The following DYSF variants were observed in gnomAD, a reference collection of about 807,000 sequenced individuals.
The protein encoded by DYSF is dysferlin, also known as dystrophy-associated fer-1-like 1.
A neutral mutation model predicts 274.9 loss-of-function variants in DYSF; 212 were observed. That is an observed-to-expected ratio of 0.77 (90% confidence interval 0.69 to 0.86). The LOEUF (loss-of-function observed/expected upper bound fraction) is 0.86, where lower values mean the gene tolerates loss of function less well. DYSF is among the 40% of genes least tolerant of loss of function. The pLI is 0.00. For synonymous variants in DYSF, 1,091 were observed against 1,078.7 expected, an observed-to-expected ratio of 1.01 and a Z score of -0.22; for missense variants, 2,666 against 2,783.2, an observed-to-expected ratio of 0.96 and a Z score of 0.95.
chr2:71,681,527 C>T (rs781050777), intron 54 of DYSF, among the ~76,000 whole-genome samples: 3 of 152,192 alleles, frequency 2.0e-5, no homozygotes, highest in African/African-American at 4.8e-5. Context: ...CTCCAGAGCC[C>T]GATCAAGGTC....
chr2:71,470,861 G>A (rs533892773), intron 1 of DYSF, among the ~76,000 whole-genome samples: 135 of 147,694 alleles, frequency 9.1e-4, no homozygotes, highest in African/African-American at 3.4e-3. Context: ...GCACGTTGTC[G>A]GCTCATTGCA....
At chr2:71,497,737 C>G (rs1469121171) in intron 3 of DYSF, among the ~76,000 whole-genome samples, 1 of 152,204 alleles carries the variant, frequency 6.6e-6, no homozygotes, top group Non-Finnish European at 1.5e-5. Context: ...GAGTTTATTT[C>G]TGTAATCAGG....
intron 22 of DYSF, among the ~76,000 whole-genome samples, chr2:71,557,592 G>A (rs13024616): frequency 0.097 from 14,809 of 152,022 alleles, 882 homozygotes; most frequent in Non-Finnish European, 0.13. Context: ...ACATACGGCA[G>A]GTGAGCTGTG....
In DYSF at chr2:71,528,344, G is replaced by C. The variant is rs748827645; in HGVS notation, c.1323G>C (p.Glu441Asp). The C allele has an allele frequency of 1.9e-6, 3 of 1,614,216 alleles. No homozygotes were observed. The Admixed American group carries it at 5.0e-5, about 27-fold the overall frequency. Residue 441 changes from glutamate to aspartate, a missense_variant, in exon 14 of 56, where the codon GAG (glutamate) becomes GAC (aspartate). Around this residue, in one of 3 missense-constraint regions of DYSF, gnomAD observed 794 missense variants for 777.1 expected, o/e 1.02. Coordinates refer to ENST00000410020, the MANE Select transcript of DYSF (RefSeq NM_001130987.2). ...ACGTGAAACAGATCTTTGGCTTCGA[G>C]AGTAACAAGAAGAACTTGGTGGACC... ...MDNVKQIFGF[E>D]SNKKNLVDPF...
chr2:71,542,526 C>T (rs558318668), intron 17 of DYSF, among the ~76,000 whole-genome samples: 38 of 152,150 alleles, frequency 2.5e-4, no homozygotes, highest in Admixed American at 5.2e-4. Context: ...TGGGGCCTTC[C>T]GCAGTGTTTG....
chr2:71,482,106 C>T (rs2082963344), intron 3 of DYSF, 136 bp downstream of exon 3: 2 of 699,632 alleles, frequency 2.9e-6, no homozygotes, highest in Non-Finnish European at 5.0e-6. Context: ...ATGGGACTGG[C>T]CCAGTGATAG....
Position 71,561,912 on chromosome 2 carries a change from T to C in DYSF, c.2377T>C (p.Trp793Arg), listed in dbSNP as rs373115117. 2.5e-6 allele frequency: 4 copies of C among 1,614,040 alleles called. No homozygotes were observed. In the African/African-American group the frequency reaches 4.0e-5, roughly 16 times the overall value. The change falls in exon 23 of 56, where the codon TGG becomes CGG. Residue 793 changes from tryptophan to arginine, a missense_variant. By Grantham distance (101) the Trp-to-Arg change is moderately radical (BLOSUM62 -3). This residue lies in a region of DYSF where 412 missense variants were observed against 504.0 expected (regional missense o/e 0.82). Coordinates refer to ENST00000410020, the MANE Select transcript of DYSF (RefSeq NM_001130987.2). Reference sequence around the variant, plus strand: ...TGCAGCTCTGGAGCAGGCGGAGGACTGGCTCCTGCGTCTGCGTGCCCTGGC... The same window carrying C: ...TGCAGCTCTGGAGCAGGCGGAGGACCGGCTCCTGCGTCTGCGTGCCCTGGC... Reference protein sequence around the residue: ...LPAALEQAEDWLLRLRALAEE... With the variant: ...LPAALEQAEDRLLRLRALAEE...
intron 55 of DYSF, among the ~76,000 whole-genome samples, chr2:71,684,396 C>T (rs6722297): frequency 0.55 from 84,292 of 152,040 alleles, 23,848 homozygotes; most frequent in Middle Eastern, 0.64. Context: ...TCCTCCCATT[C>T]GGAGCCCAGC....
At chr2:71,494,331 G>A (rs1308163320) in intron 3 of DYSF, among the ~76,000 whole-genome samples, 2 of 152,220 alleles carry the variant, frequency 1.3e-5, no homozygotes, top group African/African-American at 4.8e-5. Context: ...GGCACATGAT[G>A]TTCCTTACTG....
At chr2:71,534,914 A>G in intron 14 of DYSF, 107 bp from the exon 15 acceptor site, 1 of 1,224,510 alleles carries the variant, frequency 8.2e-7, no homozygotes, top group Non-Finnish European at 1.2e-6. Context: ...CCCAGCCCTA[A>G]GGGCAGCCAG....
chr2:71,584,278 CAAAGCGGCCCTCCCTGTCCTGG>C (rs1026819488), intron 30 of DYSF, among the ~76,000 whole-genome samples: 11 of 152,140 alleles, frequency 7.2e-5, no homozygotes, highest in Non-Finnish European at 1.5e-4. Context: ...GGAGCAGAGG[CAAAGCGGCCCTCCCTGTCCTGG>C]CCTTGTCCAC....
At chr2:71,455,964 A>G (rs1278301711) in intron 1 of DYSF, among the ~76,000 whole-genome samples, 1 of 152,160 alleles carries the variant, frequency 6.6e-6, no homozygotes, top group East Asian at 1.9e-4. Flanking sequence ...AGAATGAATA[A>G]TAAATGGCAG....
intron 36 of DYSF, among the ~76,000 whole-genome samples, chr2:71,606,884 G>C (rs1191797127): frequency 6.6e-6 from 1 of 152,208 alleles, no homozygotes; most frequent in Non-Finnish European, 1.5e-5. Context: ...CGGGTGCTAG[G>C]AAGGAGGACA....
intron 33 of DYSF, among the ~76,000 whole-genome samples, chr2:71,599,897 G>T (rs922933344): frequency 3.3e-5 from 5 of 152,350 alleles, no homozygotes; most frequent in Admixed American, 3.3e-4. Context: ...GGGATGCAAC[G>T]TTGGGGTGCT....
chr2:71,474,809 C>T (rs1308203537), intron 1 of DYSF, among the ~76,000 whole-genome samples: 1 of 152,138 alleles, frequency 6.6e-6, no homozygotes, highest in Non-Finnish European at 1.5e-5. Flanking sequence ...GGGCTTGGCA[C>T]ACAGATATCG....
intron 41 of DYSF, among the ~76,000 whole-genome samples, chr2:71,621,371 T>G (rs2094095372): frequency 6.6e-6 from 1 of 151,972 alleles, no homozygotes; most frequent in Non-Finnish European, 1.5e-5. Context: ...GATATACATA[T>G]TTTTTTCTGA....
At chr2:71,454,963 A>T (rs2080995880) in intron 1 of DYSF, among the ~76,000 whole-genome samples, 1 of 150,926 alleles carries the variant, frequency 6.6e-6, no homozygotes, top group Non-Finnish European at 1.5e-5. Flanking sequence ...AAAGAGTGTG[A>T]ACCTCCCACC....
chr2:71,606,514 A>G (rs2093650403), intron 36 of DYSF, among the ~76,000 whole-genome samples: 1 of 152,082 alleles, frequency 6.6e-6, no homozygotes, highest in African/African-American at 2.4e-5. Flanking sequence ...CAGCACCCTC[A>G]CTGAGAATTA....
Position 71,667,477 on chromosome 2 carries a change from C to T in DYSF, c.5419C>T (p.Arg1807Trp), listed in dbSNP as rs746243052. Residue 1807 changes from arginine (R) to tryptophan (W), a missense_variant, in exon 48 of 56, where the codon CGG (arginine) becomes TGG (tryptophan). Coordinates refer to ENST00000410020, the MANE Select transcript of DYSF (RefSeq NM_001130987.2). ...CCTGGTCCCGGAGCACGTGGAGTCA[C>T]GGCCCCTCTACAGCCCCCTGCAGCC... ...QGLVPEHVES[R>W]PLYSPLQPDI... is the part of the protein sequence containing the mutation. The T allele has an allele frequency of 1.3e-5, 21 of 1,614,038 alleles. No homozygotes were observed. Among genetic ancestry groups the T allele is most frequent in the Admixed American group, 5.0e-5 (3 of 60,004 alleles).
Sources: allele counts gnomAD v4.1 joint callset (sites outside exome capture counted in the v4.1 genomes callset), GRCh38; gene constraint gnomAD v4.1.1; regional missense constraint gnomAD v4.1.1; transcripts MANE v1.5; gene names NCBI Gene and HGNC (gene_info 2026-07-23, HGNC 2026-07-21).